Variants in PSD3 observed in about 807,000 individuals in gnomAD.
PSD3 encodes PH and SEC7 domain-containing protein 3.
A neutral mutation model predicts 105.5 loss-of-function variants in PSD3; 49 were observed. The ratio of observed to expected loss-of-function variants is 0.46; its 90% CI spans 0.37 to 0.59. PSD3 has a LOEUF of 0.59. PSD3 is among the 20% of genes least tolerant of loss of function. The probability of loss-of-function intolerance (pLI) is 0.00; values close to 1 mark genes in which losing one functional copy is unlikely to be tolerated. For synonymous variants in PSD3, 557 were observed against 457.8 expected, an observed-to-expected ratio of 1.22 and a Z score of -2.77; for missense variants, 1,561 against 1,263.8, an observed-to-expected ratio of 1.24 and a Z score of -3.57.
intron 12 of PSD3, among the ~76,000 whole-genome samples, chr8:18,575,988 T>TA (rs748735389): frequency 2.6e-5 from 4 of 152,082 alleles, no homozygotes; most frequent in Non-Finnish European, 5.9e-5. Context: ...AAAAACAAGA[T>TA]AAACATGCAT....
At chr8:18,797,366 G>C (rs1408997118) in intron 8 of PSD3, among the ~76,000 whole-genome samples, 1 of 152,064 alleles carries the variant, frequency 6.6e-6, no homozygotes, top group Non-Finnish European at 1.5e-5. Context: ...AATTATCCAT[G>C]ATTGGCCTAA....
At chr8:18,541,157 GAAAA>G (rs5889803) in intron 15 of PSD3, among the ~76,000 whole-genome samples, 14,512 of 139,446 alleles carry the variant, frequency 0.1, 785 homozygotes, top group South Asian at 0.19. Flanking sequence ...TATTTTACTT[GAAAA>G]AAAAAAAAAA....
chr8:18,982,518 A>G (rs1367602467), intron 1 of PSD3, among the ~76,000 whole-genome samples: 1 of 152,196 alleles, frequency 6.6e-6, no homozygotes, highest in Non-Finnish European at 1.5e-5. Context: ...TAGCAGCTAC[A>G]GACTTATGAA....
intron 4 of PSD3, among the ~76,000 whole-genome samples, chr8:18,806,887 A>C (rs1811252907): frequency 6.6e-6 from 1 of 152,224 alleles, no homozygotes; most frequent in African/African-American, 2.4e-5. Context: ...TAAAGAAGGC[A>C]TTATCAATAA....
intron 8 of PSD3, among the ~76,000 whole-genome samples, chr8:18,785,755 T>A (rs117210615): frequency 0.028 from 4,246 of 152,282 alleles, 87 homozygotes; most frequent in Middle Eastern, 0.085. Context: ...TTCCTTTCAC[T>A]TGAACACTTA....
At position 18,548,191 on chromosome 8, in the gene PSD3, CT is replaced by C. The variant is rs1440660658; in HGVS notation, c.2928+8017del. ...AATTTCTCTTAATTGAACTTTTGTTCTTGTATTGTTTCCCTGATTTCATTGA... is the reference window on the plus strand; with the variant it reads ...AATTTCTCTTAATTGAACTTTTGTTCTGTATTGTTTCCCTGATTTCATTGA... On this transcript the variant is annotated intron_variant, in intron 15 of 15. Transcript: ENST00000327040. 2.0e-5 allele frequency among the ~76,000 whole-genome samples: 3 copies of C among 152,044 alleles called. No homozygotes were observed. The East Asian group carries it at 5.8e-4, about 29-fold the overall frequency.
chr8:18,900,478 A>C (rs1292911201), intron 2 of PSD3, among the ~76,000 whole-genome samples: 1 of 152,084 alleles, frequency 6.6e-6, no homozygotes, highest in East Asian at 1.9e-4. Flanking sequence ...CATTTGGTAC[A>C]TATCAAGCAA....
intron 9 of PSD3, among the ~76,000 whole-genome samples, chr8:18,732,540 A>G (rs1803838264): frequency 6.6e-6 from 1 of 152,210 alleles, no homozygotes; most frequent in Non-Finnish European, 1.5e-5. Context: ...CCCCAGTCCA[A>G]TGTATGAGCA....
At chr8:18,607,337 G>T (rs542869500) in intron 11 of PSD3, among the ~76,000 whole-genome samples, 22 of 152,266 alleles carry the variant, frequency 1.4e-4, no homozygotes, top group African/African-American at 5.1e-4. Flanking sequence ...CACAGCAAAT[G>T]ATTGCTGAAC....
chr8:18,586,246 G>A (rs1378725493), intron 12 of PSD3, among the ~76,000 whole-genome samples: 1 of 152,268 alleles, frequency 6.6e-6, no homozygotes. Flanking sequence ...AAGAGGTTGA[G>A]CGAATGGAGA....
intron 8 of PSD3, among the ~76,000 whole-genome samples, chr8:18,787,202 T>C (rs1157779105): frequency 3.3e-5 from 5 of 152,230 alleles, no homozygotes; most frequent in South Asian, 2.1e-4. Flanking sequence ...TTGGATAACT[T>C]TGCATAAAAG....
intron 8 of PSD3, among the ~76,000 whole-genome samples, chr8:18,782,244 G>A (rs1318030078): frequency 2.0e-5 from 3 of 151,926 alleles, no homozygotes; most frequent in African/African-American, 7.3e-5. Flanking sequence ...GATTTCTCAT[G>A]TTTCTTGTGT....
rs1415861581 is a variant in PSD3, at chr8:18,675,151, C to G, written c.2173-19466G>C. ...TACGTCTAGTTAGGTAGGACCTCAA[C>G]CCTTTAGATTTACTTATGCTGGGAG... On this transcript the variant is annotated intron_variant, in intron 9 of 15. Transcript: ENST00000327040. Among the ~76,000 whole-genome samples, 4 of 152,146 alleles carry G rather than the reference C, an allele frequency of 2.6e-5. No homozygotes were observed. In the South Asian group the frequency reaches 6.2e-4, roughly 24 times the overall value.
intron 1 of PSD3, among the ~76,000 whole-genome samples, chr8:18,958,210 ATAC>A (rs1335083743): frequency 6.6e-6 from 1 of 152,222 alleles, no homozygotes; most frequent in Non-Finnish European, 1.5e-5. Flanking sequence ...CCGCCAAGAT[ATAC>A]TGTTACATAT....
chr8:18,865,766 C>G (rs1048073960), intron 4 of PSD3, among the ~76,000 whole-genome samples: 1 of 152,130 alleles, frequency 6.6e-6, no homozygotes, highest in Non-Finnish European at 1.5e-5. Context: ...GACAAGATCT[C>G]CTGGTTTGAC....
At position 18,575,145 on chromosome 8, in the gene PSD3, G is replaced by C. The variant is rs755743351; in HGVS notation, c.2622C>G (p.Val874=). Reference sequence around the variant, plus strand: ...AAACATACTGAGTTTGAAAAAGCAAGACCCTCCAGTCGGCAGTTTTAAGTT... The same window carrying C: ...AAACATACTGAGTTTGAAAAAGCAACACCCTCCAGTCGGCAGTTTTAAGTT... ...VFKLKTADWR[V]LLFQTQSPEE... Residue 874 remains valine, a synonymous_variant, in exon 13 of 16, where the codon GTC becomes GTG. Transcript: ENST00000327040. 27 of 1,612,566 alleles carry C rather than the reference G, an allele frequency of 1.7e-5. No individual in the cohort carries two copies. The East Asian group carries it at 5.8e-4, about 35-fold the overall frequency.
intron 4 of PSD3, among the ~76,000 whole-genome samples, chr8:18,819,446 C>A (rs1812501861): frequency 6.6e-6 from 1 of 152,104 alleles, no homozygotes; most frequent in East Asian, 1.9e-4. Context: ...CCAAACTCTT[C>A]CCCTGAACCT....
At chr8:19,070,593 G>A (rs1003371769) in intron 1 of PSD3, among the ~76,000 whole-genome samples, 10 of 152,082 alleles carry the variant, frequency 6.6e-5, no homozygotes, top group Non-Finnish European at 1.2e-4. Flanking sequence ...CAGGAGAATC[G>A]CTTAAATCTG....
rs928750871 is a variant in PSD3, at chr8:18,845,581, C to T, written c.1634+22093G>A. Among the ~76,000 whole-genome samples the T allele has an allele frequency of 9.2e-5, 14 of 152,218 alleles. 1 individual carries two copies. Among genetic ancestry groups the T allele is most frequent in the Admixed American group, 7.9e-4 (12 of 15,282 alleles). On this transcript the variant is annotated intron_variant, in intron 4 of 15. Coordinates refer to ENST00000327040, the MANE Select transcript of PSD3 (RefSeq NM_015310.4). ...AGGGCCGCTGGACCTCTTTCACTCC[C>T]TCTTCTCCCTCCCTGCTGCTGACAG... is the stretch of plus-strand genomic sequence containing the variant.
Sources: gnomAD v4.1 joint callset for allele counts (sites outside exome capture counted in the v4.1 genomes callset) on GRCh38, gnomAD v4.1.1 for gene constraint, MANE v1.5 for transcripts, NCBI Gene and HGNC (gene_info 2026-07-23, HGNC 2026-07-21) for gene names.